The following FAT1 variants were observed in gnomAD, a reference collection of about 807,000 sequenced individuals.
FAT1 encodes FAT atypical cadherin 1.
FAT1 carries 171 observed loss-of-function variants against 329.8 expected under a neutral mutation model. The ratio of observed to expected loss-of-function variants is 0.52; its 90% confidence interval spans 0.46 to 0.59. The LOEUF (loss-of-function observed/expected upper bound fraction) is 0.59. Ranked by LOEUF, FAT1 falls within the 20% of genes least tolerant of loss-of-function variation. FAT1 has a pLI of 0.00. For synonymous variants in FAT1, 2,233 were observed against 2,228.6 expected (o/e 1.00, Z -0.06); for missense variants, 5,672 against 5,774.4 (o/e 0.98, Z 0.57).
rs1393781112 is a variant in FAT1, at chr4:186,682,337, G to A, written c.3266-18724C>T. ...AGGTCAGGAGTTCGAGAACAGCCTG[G>A]TCAACATGGGGAAACCCCATCTCTA... is the stretch of plus-strand genomic sequence containing the variant. On this transcript the variant is annotated intron_variant, in intron 2 of 26. Transcript: ENST00000441802. 3.9e-5 allele frequency among the ~76,000 whole-genome samples: 6 copies of A among 152,148 alleles called. No homozygotes were observed. The East Asian group carries it at 9.7e-4, about 25-fold the overall frequency.
rs758406169 is a variant in FAT1, at chr4:186,619,408, T to C, written c.7178A>G (p.Gln2393Arg). Residue 2393 changes from glutamine (Q) to arginine (R), a missense_variant, in exon 10 of 27, where the codon CAG becomes CGG. This residue lies in a region of FAT1 where 3,966 missense variants were observed against 3,915.2 expected (regional missense o/e 1.01). Coordinates refer to ENST00000441802, the MANE Select transcript of FAT1 (RefSeq NM_005245.4). ...LNDNPPLFEQ[Q>R]IYEARISEHA... ...CTCGCTAATTCTGGCTTCATAAATC[T>C]GTTGTTCAAAGAGTGGTGGATTATC... 39 of 1,614,022 alleles carry C rather than the reference T, an allele frequency of 2.4e-5. No individual in the cohort carries two copies. Among genetic ancestry groups the C allele is most frequent in the Non-Finnish European group, 3.3e-5 (39 of 1,179,894 alleles).
intron 2 of FAT1, among the ~76,000 whole-genome samples, chr4:186,683,712 T>C (rs1277015133): frequency 6.6e-6 from 1 of 152,120 alleles, no homozygotes; most frequent in Non-Finnish European, 1.5e-5. Flanking sequence ...CCTAGGGTTC[T>C]AGACTAGTCC....
Position 186,708,146 on chromosome 4 carries a change from T to C in FAT1, c.1682A>G (p.Asn561Ser), listed in dbSNP as rs1334068757. 6.2e-7 allele frequency: 1 copy of C among 1,613,940 alleles called. No individual in the cohort carries two copies. Among genetic ancestry groups the C allele is most frequent in the Admixed American group, 1.7e-5 (1 of 60,016 alleles). ...AAACAAAGGTGTGTTGTCATTCAAG[T>C]TATTGAGAGTAATTGTAGCAAGGAC... is the stretch of plus-strand genomic sequence containing the variant. The part of the protein sequence containing the change: ...VEVLATITLN[N>S]LNDNTPLFEK... Residue 561 changes from asparagine to serine, a missense_variant, in exon 2 of 27, where the codon AAC becomes AGC. By Grantham distance (46) the Asn-to-Ser change is conservative. Around this residue, in one of 2 missense-constraint regions of FAT1, gnomAD observed 3,966 missense variants for 3,915.2 expected, o/e 1.01. Transcript: ENST00000441802.
At chr4:186,645,366 C>T (rs1420279467) in intron 3 of FAT1, among the ~76,000 whole-genome samples, 3 of 35,462 alleles carry the variant, frequency 8.5e-5, no homozygotes, top group South Asian at 1.3e-3. Context: ...TACTTCATTA[C>T]ATATATATAT....
chr4:186,653,653 T>C (rs953156412), intron 3 of FAT1, among the ~76,000 whole-genome samples: 3 of 152,322 alleles, frequency 2.0e-5, no homozygotes, highest in Admixed American at 6.5e-5. Context: ...TTTTAAATGG[T>C]TGAAAAAAAC....
rs552853337 is a variant in FAT1 at position 186,667,328 on chromosome 4, C to A, written c.3266-3715G>T. Among the ~76,000 whole-genome samples, 279 of 152,272 alleles carry A rather than the reference C, an allele frequency of 1.8e-3. 2 individuals are homozygous for A. Among genetic ancestry groups the A allele is most frequent in the Non-Finnish European group, 2.8e-3 (192 of 68,028 alleles). On this transcript the variant is annotated intron_variant, in intron 2 of 26. Transcript: ENST00000441802. ...TCCATCAGGAGGGGATTGTCGGCCT[C>A]CCCGGTAATCTACGGATATTACTAA...
intron 16 of FAT1, among the ~76,000 whole-genome samples, chr4:186,606,588 G>A (rs952705589): frequency 1.3e-5 from 2 of 152,046 alleles, no homozygotes; most frequent in African/African-American, 4.8e-5. Context: ...GCCTTCCTTA[G>A]GGCCCCAAGT....
At chr4:186,639,682 C>T (rs1741004825) in intron 4 of FAT1, 40 bp downstream of exon 4, 5 of 1,327,646 alleles carry the variant, frequency 3.8e-6, no homozygotes, top group Non-Finnish European at 5.4e-6. Flanking sequence ...ATACTTGTAA[C>T]TACGAATCTT....
chr4:186,615,035 G>A (rs1162986019), intron 11 of FAT1, among the ~76,000 whole-genome samples: 1 of 151,884 alleles, frequency 6.6e-6, no homozygotes, highest in South Asian at 2.1e-4. Context: ...TTCTTAATCT[G>A]AACTCAACTA....
In FAT1 at chr4:186,636,128, T is replaced by A; in HGVS notation, c.4080A>T (p.Glu1360Asp). The A allele has an allele frequency of 1.2e-6, 2 of 1,614,008 alleles. No homozygotes were observed. The highest frequency in any genetic ancestry group is 2.2e-5 in the South Asian group (2 of 91,080). Residue 1360 changes from glutamate (E) to aspartate (D), a missense_variant, in exon 6 of 27, where the codon GAA becomes GAT. By Grantham distance (45) the Glu-to-Asp change is conservative (BLOSUM62 2). Around this residue, in one of 2 missense-constraint regions of FAT1, gnomAD observed 3,966 missense variants for 3,915.2 expected, o/e 1.01. Transcript: ENST00000441802. ...CCATCACAGTAAAGGTAAAAAATGA[T>A]TCTTCAAATGAAATGGGCTCCAGGG... ...KPSLEPISFE[E>D]SFFTFTVMES... is the part of the protein sequence containing the mutation.
At chr4:186,648,550 T>C (rs1741485303) in intron 3 of FAT1, among the ~76,000 whole-genome samples, 1 of 152,130 alleles carries the variant, frequency 6.6e-6, no homozygotes. Flanking sequence ...AAAATAAAGT[T>C]TGCTAAAGCC....
intron 2 of FAT1, among the ~76,000 whole-genome samples, chr4:186,686,315 G>C (rs1050925385): frequency 6.7e-6 from 1 of 149,624 alleles, no homozygotes; most frequent in Non-Finnish European, 1.5e-5. Flanking sequence ...CATTTTATTG[G>C]TAAATCAGAC....
rs372720339 is a variant in FAT1, at chr4:186,620,817, G to A, written c.5769C>T (p.Ile1923=). ...QLIYSITEGN[I]GEKFSMDYKT... is the part of the protein sequence containing the mutation. ...TGTAGTCCATAGAAAACTTCTCCCC[G>A]ATGTTGCCTTCGGTGATGGAGTAAA... The change falls in exon 10 of 27, where the codon ATC becomes ATT. Residue 1923 remains isoleucine, a synonymous_variant. Coordinates refer to ENST00000441802, the MANE Select transcript of FAT1 (RefSeq NM_005245.4). 226 of 1,613,982 alleles carry A rather than the reference G, an allele frequency of 1.4e-4. 1 individual carries two copies. Among genetic ancestry groups the A allele is most frequent in the African/African-American group, 4.5e-4 (34 of 75,034 alleles).
intron 1 of FAT1, among the ~76,000 whole-genome samples, chr4:186,715,316 T>C (rs189008): frequency 0.29 from 43,165 of 148,622 alleles, 6,895 homozygotes; most frequent in African/African-American, 0.43. Context: ...CACATCCTAC[T>C]CAGCAGTTCT....
rs201450896 is a variant in FAT1 at position 186,707,187 on chromosome 4, G to A, written c.2641C>T (p.Arg881Cys). ...TGCTGCAGCTCTCGATCCAGAGGGC[G>A]TGCGATGTTAACAACACCCGTCACG... is the stretch of plus-strand genomic sequence containing the variant. Reference protein sequence around the residue: ...DSVTGVVNIARPLDRELQHEH... With the variant: ...DSVTGVVNIACPLDRELQHEH... The change falls in exon 2 of 27, where the codon CGC becomes TGC. Residue 881 changes from arginine to cysteine, a missense_variant. Around this residue, in one of 2 missense-constraint regions of FAT1, gnomAD observed 3,966 missense variants for 3,915.2 expected, o/e 1.01. Transcript: ENST00000441802. 1.5e-3 allele frequency: 2,433 copies of A among 1,613,926 alleles called. 13 individuals are homozygous for A. Among genetic ancestry groups the A allele is most frequent in the Middle Eastern group, 9.7e-3 (59 of 6,062 alleles).
At chr4:186,606,287 G>C (rs2126449273) in intron 16 of FAT1, 74 bp from the exon 17 acceptor site, 1 of 1,548,696 alleles carries the variant, frequency 6.5e-7, no homozygotes, top group South Asian at 1.2e-5. Context: ...GTGTCCTCCT[G>C]AGAGTCCTGA....
At chr4:186,721,785 A>G (rs529321801) in intron 1 of FAT1, among the ~76,000 whole-genome samples, 72 of 152,382 alleles carry the variant, frequency 4.7e-4, no homozygotes, top group Admixed American at 1.5e-3. Context: ...AAGGCAATGG[A>G]AAGGTAGAGG....
At chr4:186,687,104 C>T (rs145024439) in intron 2 of FAT1, among the ~76,000 whole-genome samples, 110 of 152,194 alleles carry the variant, frequency 7.2e-4, no homozygotes, top group Admixed American at 1.6e-3. Context: ...CCTCAATATG[C>T]ACTGGGGACA....
At chr4:186,689,866 G>C (rs1552690) in intron 2 of FAT1, among the ~76,000 whole-genome samples, 11,747 of 152,120 alleles carry the variant, frequency 0.077, 1,055 homozygotes, top group African/African-American at 0.21. Context: ...TTAATATCCA[G>C]AGGAAAATTA....
Sources: allele counts gnomAD v4.1 joint callset (sites outside exome capture counted in the v4.1 genomes callset), GRCh38; gene constraint gnomAD v4.1.1; regional missense constraint gnomAD v4.1.1; transcripts MANE v1.5; gene names NCBI Gene and HGNC (gene_info 2026-07-23, HGNC 2026-07-21).